TMIGD3: variants seen among roughly 807,000 people sequenced by gnomAD.
TMIGD3 encodes transmembrane and immunoglobulin domain containing 3.
TMIGD3 carries 21 observed loss-of-function variants against 28.1 expected under a neutral mutation model. The observed-to-expected ratio is 0.75, with a 90% CI of 0.53 to 1.08. The LOEUF is 1.08. Ranked by LOEUF, TMIGD3 falls within the 50% of genes least tolerant of loss-of-function variation. The pLI is 0.00. For missense variants in TMIGD3, 416 were observed against 435.6 expected (o/e 0.96, Z 0.40); for synonymous variants, 151 against 162.1 (o/e 0.93, Z 0.52).
At chr1:111,522,809 C>A (rs559350411) in intron 1 of TMIGD3, among the ~76,000 whole-genome samples, 22 of 152,146 alleles carry the variant, frequency 1.4e-4, no homozygotes, top group Non-Finnish European at 2.4e-4. Flanking sequence ...AGCCACCACG[C>A]CTGGCTGGTA....
At chr1:111,543,413 C>T (rs1401388552) in intron 1 of TMIGD3, among the ~76,000 whole-genome samples, 3 of 152,118 alleles carry the variant, frequency 2.0e-5, no homozygotes, top group East Asian at 1.9e-4. Flanking sequence ...TACCATCTCC[C>T]GTCTATTCGC....
chr1:111,563,826 T>C (rs754283955), intron 1 of TMIGD3: 4 of 1,600,608 alleles, frequency 2.5e-6, no homozygotes, highest in Admixed American at 3.3e-5. Context: ...CCAGCAGCTA[T>C]ATTTTCTGCT....
chr1:111,509,502 C>T (rs77498325), intron 1 of TMIGD3, among the ~76,000 whole-genome samples: 1,960 of 152,168 alleles, frequency 0.013, 30 homozygotes, highest in African/African-American at 0.045. Context: ...TTCTCATGCC[C>T]TTTATCTAAA....
intron 1 of TMIGD3, among the ~76,000 whole-genome samples, chr1:111,533,383 T>C (rs1024634299): frequency 6.6e-6 from 1 of 152,192 alleles, no homozygotes; most frequent in African/African-American, 2.4e-5. Context: ...AAACAAGTAA[T>C]AAAATAGTTT....
rs190508570 is a variant in TMIGD3, at chr1:111,522,782, C to T, written c.108-32020G>A. Among the ~76,000 whole-genome samples the T allele has an allele frequency of 1.2e-3, 186 of 152,274 alleles. 1 individual carries two copies. Among genetic ancestry groups the T allele is most frequent in the Non-Finnish European group, 4.4e-4 (30 of 68,014 alleles). ...CTGCCCGCCTCGGCCTCTCAAAGTGCTGGGATTACAGGCGTGAGCCACCAC... is the reference window on the plus strand; with the variant it reads ...CTGCCCGCCTCGGCCTCTCAAAGTGTTGGGATTACAGGCGTGAGCCACCAC... On this transcript the variant is annotated intron_variant, in intron 1 of 5. Coordinates refer to the TMIGD3 transcript ENST00000369717.
At chr1:111,516,452 C>T (rs1655871126) in intron 1 of TMIGD3, among the ~76,000 whole-genome samples, 1 of 152,166 alleles carries the variant, frequency 6.6e-6, no homozygotes, top group Non-Finnish European at 1.5e-5. Flanking sequence ...CCCTTCTTCT[C>T]CTTAGACTTC....
At chr1:111,549,649 CAAAAAA>C (rs370585012) in intron 1 of TMIGD3, among the ~76,000 whole-genome samples, 1 of 94,428 alleles carries the variant, frequency 1.1e-5, no homozygotes, top group African/African-American at 3.6e-5. Context: ...GACTCTGTTT[CAAAAAA>C]AAAAAAAAAA....
intron 1 of TMIGD3, among the ~76,000 whole-genome samples, chr1:111,517,160 G>A (rs1283478278): frequency 6.6e-6 from 1 of 152,162 alleles, no homozygotes; most frequent in Non-Finnish European, 1.5e-5. Context: ...AAACATTTAG[G>A]GCAAAGAGGG....
chr1:111,518,734 A>T (rs534309240), intron 1 of TMIGD3, among the ~76,000 whole-genome samples: 23 of 152,320 alleles, frequency 1.5e-4, no homozygotes, highest in African/African-American at 4.8e-4. Context: ...TGTGAACTAG[A>T]TACTGAAATC....
intron 1 of TMIGD3, among the ~76,000 whole-genome samples, chr1:111,552,458 G>A (rs557762961): frequency 8.7e-4 from 133 of 152,276 alleles, no homozygotes; most frequent in Middle Eastern, 6.8e-3. Context: ...TGAAAAAGTA[G>A]ATTCTGATCA....
At chr1:111,554,608 T>G (rs1017583434) in intron 1 of TMIGD3, among the ~76,000 whole-genome samples, 2 of 152,148 alleles carry the variant, frequency 1.3e-5, no homozygotes, top group African/African-American at 4.8e-5. Flanking sequence ...CAGTGAATAA[T>G]TAAAAGAGAC....
chr1:111,527,886 T>C (rs1288223598), intron 1 of TMIGD3, among the ~76,000 whole-genome samples: 1 of 149,236 alleles, frequency 6.7e-6, no homozygotes, highest in African/African-American at 2.5e-5. Flanking sequence ...GTTCTTTGTA[T>C]ATTTTGGATA....
intron 1 of TMIGD3, among the ~76,000 whole-genome samples, chr1:111,544,026 T>C (rs998968958): frequency 5.9e-5 from 9 of 152,328 alleles, no homozygotes; most frequent in East Asian, 3.9e-4. Context: ...TTGGAAGTCA[T>C]AGTTTCCAAT....
intron 1 of TMIGD3, among the ~76,000 whole-genome samples, chr1:111,495,795 A>G (rs1435495650): frequency 1.3e-5 from 2 of 152,266 alleles, no homozygotes; most frequent in East Asian, 3.8e-4. Context: ...AAAAAGTGGT[A>G]CATAGACACG....
chr1:111,529,810 T>C (rs1165097044), intron 1 of TMIGD3, among the ~76,000 whole-genome samples: 1 of 152,030 alleles, frequency 6.6e-6, no homozygotes, highest in Admixed American at 6.5e-5. Flanking sequence ...CTCAATCTTT[T>C]CCCCACCTTT....
upstream of TMIGD3, chr1:111,504,829 G>A (rs1262558163): frequency 1.0e-6 from 1 of 983,602 alleles, no homozygotes; most frequent in African/African-American, 1.7e-5. Context: ...CCCCCACCCT[G>A]TATCCCAAGT....
chr1:111,504,006 A>G (rs1655386716), upstream of TMIGD3: 1 of 985,318 alleles, frequency 1.0e-6, no homozygotes, highest in Admixed American at 6.1e-5. Flanking sequence ...GCAGAGGAAC[A>G]AAAAAGAGAC....
At chr1:111,557,843 T>C (rs1657564932) in intron 1 of TMIGD3, among the ~76,000 whole-genome samples, 1 of 152,032 alleles carries the variant, frequency 6.6e-6, no homozygotes, top group South Asian at 2.1e-4. Flanking sequence ...AGCATAAAAA[T>C]TGGGGGAGAT....
upstream of TMIGD3, chr1:111,505,147 A>C: frequency 2.0e-6 from 1 of 503,570 alleles, no homozygotes; most frequent in Non-Finnish European, 2.5e-6. Context: ...AAAAAAAAAA[A>C]AGAAGCCTTT....
Sources: allele counts gnomAD v4.1 joint callset (sites outside exome capture counted in the v4.1 genomes callset), GRCh38; gene constraint gnomAD v4.1.1; transcripts MANE v1.5; gene names NCBI Gene and HGNC (gene_info 2026-07-23, HGNC 2026-07-21).